The following PPFIA1 variants were observed in gnomAD, a reference collection of about 807,000 sequenced individuals.
PPFIA1 encodes the protein liprin-alpha-1.
PPFIA1 carries 25 observed loss-of-function variants against 149.9 expected under a neutral mutation model. The ratio of observed to expected loss-of-function variants is 0.17; its 90% CI spans 0.12 to 0.23. The LOEUF (loss-of-function observed/expected upper bound fraction) is 0.23. Among genes scored for constraint, PPFIA1 ranks in the 10% least tolerant of loss-of-function variants. The pLI, the probability that PPFIA1 is intolerant of heterozygous loss-of-function variation, is 1.00. For synonymous variants in PPFIA1, 549 were observed against 552.8 expected (o/e 0.99, Z 0.10); for missense variants, 1,362 against 1,506.5 (o/e 0.90, Z 1.59).
At chr11:70,278,142 C>G (rs1472047786) in intron 2 of PPFIA1, among the ~76,000 whole-genome samples, 3 of 151,936 alleles carry the variant, frequency 2.0e-5, no homozygotes, top group Non-Finnish European at 4.4e-5. Flanking sequence ...ATCTGTTGAC[C>G]TGGTGATCTG....
chr11:70,337,563 A>C (rs2055059927), intron 12 of PPFIA1, 136 bp downstream of exon 12: 1 of 554,490 alleles, frequency 1.8e-6, no homozygotes, highest in South Asian at 3.2e-5. Context: ...AGTTTCTAGC[A>C]CTCTCAGGCT....
Position 70,337,797 on chromosome 11 carries a change from G to A in PPFIA1, c.1491+370G>A, listed in dbSNP as rs1250770883. Reference sequence around the variant, plus strand: ...ATCTATTTTATTTAATTCAGTATATGCAAAATGTTATTATTTCATAATGTA... The same window carrying A: ...ATCTATTTTATTTAATTCAGTATATACAAAATGTTATTATTTCATAATGTA... On this transcript the variant is annotated intron_variant, in intron 12 of 27. Coordinates refer to ENST00000253925, the MANE Select transcript of PPFIA1 (RefSeq NM_003626.5). Among the ~76,000 whole-genome samples, 7 of 152,152 alleles carry A rather than the reference G, an allele frequency of 4.6e-5. No homozygotes were observed. The East Asian group carries it at 9.6e-4, about 21-fold the overall frequency.
intron 10 of PPFIA1, among the ~76,000 whole-genome samples, chr11:70,334,197 C>G (rs1254272708): frequency 3.9e-5 from 6 of 152,112 alleles, no homozygotes; most frequent in Non-Finnish European, 8.8e-5. Context: ...AGAGCAGTCC[C>G]AGGGCCAGCT....
intron 2 of PPFIA1, among the ~76,000 whole-genome samples, chr11:70,287,164 A>C (rs530832173): frequency 1.2e-4 from 18 of 151,998 alleles, no homozygotes; most frequent in Non-Finnish European, 1.9e-4. Context: ...AGATCTTTCT[A>C]AAATGCATGT....
chr11:70,333,366 C>T (rs1305633136), intron 9 of PPFIA1, 104 bp from the exon 10 acceptor site: 4 of 840,092 alleles, frequency 4.8e-6, no homozygotes, highest in Admixed American at 4.0e-5. Context: ...TATGGCGGAG[C>T]AGCCCACGCA....
intron 2 of PPFIA1, among the ~76,000 whole-genome samples, chr11:70,301,528 A>G (rs896745378): frequency 2.0e-5 from 3 of 152,230 alleles, no homozygotes; most frequent in East Asian, 3.8e-4. Context: ...GTAAAATGTG[A>G]TAAAATATAT....
rs1181661504 is a variant in PPFIA1, at chr11:70,339,240, C to T, written c.1641C>T (p.Ser547=). 1.9e-6 allele frequency: 3 copies of T among 1,614,104 alleles called. No individual in the cohort carries two copies. The highest frequency in any genetic ancestry group is 2.7e-5 in the African/African-American group (2 of 74,946). ...CAGACGGCCACACAGACTCCTACAGCACCAGTGCAGTGCTGCGGCGCCCAC... is the reference window on the plus strand; with the variant it reads ...CAGACGGCCACACAGACTCCTACAGTACCAGTGCAGTGCTGCGGCGCCCAC... ...PMADGHTDSY[S]TSAVLRRPQK... is the part of the protein sequence containing the mutation. The change falls in exon 14 of 28, where the codon AGC becomes AGT. Residue 547 remains serine, a synonymous_variant. Coordinates refer to ENST00000253925, the MANE Select transcript of PPFIA1 (RefSeq NM_003626.5).
chr11:70,288,535 T>C (rs1389363890), intron 2 of PPFIA1, among the ~76,000 whole-genome samples: 4 of 152,178 alleles, frequency 2.6e-5, no homozygotes, highest in African/African-American at 9.7e-5. Flanking sequence ...GGTTTTAGTG[T>C]CCATGGTGTT....
At chr11:70,293,164 C>CT (rs1189672524) in intron 2 of PPFIA1, among the ~76,000 whole-genome samples, 2 of 152,240 alleles carry the variant, frequency 1.3e-5, no homozygotes, top group Non-Finnish European at 2.9e-5. Context: ...TAAACGGGAT[C>CT]TTTTAACGGT....
intron 21 of PPFIA1, among the ~76,000 whole-genome samples, chr11:70,370,253 T>A (rs927130918): frequency 2.6e-5 from 4 of 152,122 alleles, no homozygotes; most frequent in African/African-American, 9.7e-5. Flanking sequence ...TTGATTGATA[T>A]TTATGAAGTA....
intron 7 of PPFIA1, 172 bp from the exon 8 acceptor site, chr11:70,330,000 GC>G: frequency 1.8e-6 from 1 of 551,082 alleles, no homozygotes. Context: ...TCCCGCCTTA[GC>G]CTCCCAAAGT....
In PPFIA1 at chr11:70,333,323, G is replaced by C. The variant is rs1273981179; in HGVS notation, c.1213-147G>C. On this transcript the variant is annotated intron_variant, in intron 9 of 27. Transcript: ENST00000253925. ...CCCAGCACGTGAAGCCCCGTAGGCT[G>C]TGTTGATGGATGAGTACATGCTTTC... 3 of 686,354 alleles carry C rather than the reference G, an allele frequency of 4.4e-6. No homozygotes were observed. In the African/African-American group the frequency reaches 5.3e-5, roughly 12 times the overall value. 42.5% of individuals were successfully genotyped at this position (686,354 alleles called of 1,614,324 possible).
chr11:70,298,096 A>G (rs542945592), intron 2 of PPFIA1, among the ~76,000 whole-genome samples: 23 of 152,314 alleles, frequency 1.5e-4, no homozygotes, highest in African/African-American at 5.5e-4. Flanking sequence ...GAAAGAAAAA[A>G]GAACACATAT....
chr11:70,284,497 G>GAGGC (rs1555079862), intron 2 of PPFIA1, among the ~76,000 whole-genome samples: 1 of 151,880 alleles, frequency 6.6e-6, no homozygotes, highest in African/African-American at 2.4e-5. Flanking sequence ...GTCAGTGGTA[G>GAGGC]AGACAGGGTC....
chr11:70,331,287 G>A (rs1239597793), intron 8 of PPFIA1, among the ~76,000 whole-genome samples: 1 of 151,774 alleles, frequency 6.6e-6, no homozygotes, highest in Non-Finnish European at 1.5e-5. Context: ...GTCTCCTGTG[G>A]TTTCGTAAAC....
At chr11:70,274,596 C>G (rs190192266) in intron 2 of PPFIA1, among the ~76,000 whole-genome samples, 27 of 152,328 alleles carry the variant, frequency 1.8e-4, no homozygotes, top group African/African-American at 6.3e-4. Flanking sequence ...CTCACCTGCT[C>G]TCTGGTCATC....
chr11:70,336,305 C>G (rs2054975072), intron 11 of PPFIA1, among the ~76,000 whole-genome samples: 1 of 152,114 alleles, frequency 6.6e-6, no homozygotes, highest in African/African-American at 2.4e-5. Flanking sequence ...AGTTCAAGAC[C>G]AGCCTGGCCA....
At chr11:70,337,451 A>G in intron 12 of PPFIA1, 24 bp downstream of exon 12, 2 of 1,531,984 alleles carry the variant, frequency 1.3e-6, no homozygotes, top group South Asian at 1.2e-5. Context: ...CTCTAAATCC[A>G]TGAAGAGCCA....
At chr11:70,357,823 G>A (rs967289162) in intron 19 of PPFIA1, among the ~76,000 whole-genome samples, 7 of 152,044 alleles carry the variant, frequency 4.6e-5, no homozygotes, top group Non-Finnish European at 1.0e-4. Context: ...TCCTGACCTC[G>A]TGATCTGCCC....
Sources: gnomAD v4.1 joint callset for allele counts (sites outside exome capture counted in the v4.1 genomes callset) on GRCh38, gnomAD v4.1.1 for gene constraint, MANE v1.5 for transcripts, NCBI Gene and HGNC (gene_info 2026-07-23, HGNC 2026-07-21) for gene names.